Variants in BACH2 observed in about 807,000 individuals in gnomAD.
BACH2 encodes the protein BACH transcriptional regulator 2.
A neutral mutation model predicts 61.8 loss-of-function variants in BACH2; 5 were observed. That is an observed-to-expected ratio of 0.08 (90% CI 0.04 to 0.17). BACH2 has a LOEUF of 0.17. Ranked by LOEUF, BACH2 falls within the 10% of genes least tolerant of loss-of-function variation. BACH2 has a pLI of 1.00. For synonymous variants in BACH2, 446 were observed against 440.1 expected (o/e 1.01, Z -0.17); for missense variants, 824 against 1,091.1 (o/e 0.76, Z 3.45).
intron 3 of BACH2, among the ~76,000 whole-genome samples, chr6:90,220,737 C>G (rs1174934484): frequency 1.3e-5 from 2 of 152,056 alleles, no homozygotes; most frequent in Non-Finnish European, 2.9e-5. Flanking sequence ...GGTCTCAAAA[C>G]CATAATACAA....
chr6:90,230,910 C>T (rs577726933), intron 3 of BACH2, among the ~76,000 whole-genome samples: 4 of 152,204 alleles, frequency 2.6e-5, no homozygotes, highest in East Asian at 3.9e-4. Flanking sequence ...ATTGATCATC[C>T]CTGGTGAGAA....
chr6:90,100,556 C>CT (rs1212551793), intron 4 of BACH2, among the ~76,000 whole-genome samples: 3 of 152,164 alleles, frequency 2.0e-5, no homozygotes, highest in South Asian at 4.1e-4. Context: ...CCTTTGGACT[C>CT]TAACTGCAAC....
chr6:90,249,194 T>A (rs1770728995), intron 3 of BACH2, among the ~76,000 whole-genome samples: 1 of 152,144 alleles, frequency 6.6e-6, no homozygotes, highest in Admixed American at 6.5e-5. Context: ...TGACTGTCTT[T>A]GCCATGGGAG....
At chr6:90,190,660 G>A (rs1408107522) in intron 4 of BACH2, among the ~76,000 whole-genome samples, 1 of 152,180 alleles carries the variant, frequency 6.6e-6, no homozygotes, top group African/African-American at 2.4e-5. Flanking sequence ...AAGATAATCT[G>A]GCCCACTGAT....
intron 4 of BACH2, among the ~76,000 whole-genome samples, chr6:90,154,744 C>T (rs1465047943): frequency 1.3e-5 from 2 of 152,176 alleles, no homozygotes; most frequent in Non-Finnish European, 2.9e-5. Context: ...TCTGATGGCC[C>T]TAGTTCTAGC....
At position 90,079,016 on chromosome 6, in the gene BACH2, T is replaced by A. The variant is rs183587429; in HGVS notation, c.-13+9945A>T. Among the ~76,000 whole-genome samples, 252 of 152,260 alleles carry A rather than the reference T, an allele frequency of 1.7e-3. 1 individual carries two copies. The highest frequency in any genetic ancestry group is 5.8e-3 in the African/African-American group (241 of 41,556). ...GAACACTTGCAGACATTCTCATTCT[T>A]TGGAAATGCCACAACCACTCAGTCA... On this transcript the variant is annotated intron_variant, in intron 5 of 8. Coordinates refer to ENST00000257749, the MANE Select transcript of BACH2 (RefSeq NM_021813.4).
At chr6:90,295,745 C>G (rs1345274848) in intron 1 of BACH2, among the ~76,000 whole-genome samples, 1 of 152,058 alleles carries the variant, frequency 6.6e-6, no homozygotes, top group Admixed American at 6.5e-5. Context: ...CTCTCAGAAG[C>G]CTGGCGCCCT....
intron 5 of BACH2, among the ~76,000 whole-genome samples, chr6:90,068,458 C>T (rs1050970072): frequency 3.3e-5 from 5 of 152,020 alleles, no homozygotes; most frequent in Non-Finnish European, 7.4e-5. Flanking sequence ...CAGGACAATG[C>T]GGGGGTGTAC....
intron 4 of BACH2, among the ~76,000 whole-genome samples, chr6:90,136,116 G>C (rs1784262688): frequency 6.6e-6 from 1 of 152,184 alleles, no homozygotes. Context: ...TCTCCTTCCT[G>C]TGATCAGTCA....
At chr6:90,038,242 T>C (rs529582847) in intron 5 of BACH2, among the ~76,000 whole-genome samples, 1 of 152,302 alleles carries the variant, frequency 6.6e-6, no homozygotes, top group East Asian at 1.9e-4. Flanking sequence ...ATGATTTTCT[T>C]TCAAGTAGAC....
chr6:90,172,769 C>T (rs1468643895), intron 4 of BACH2, among the ~76,000 whole-genome samples: 4 of 151,526 alleles, frequency 2.6e-5, no homozygotes, highest in Non-Finnish European at 4.4e-5. Context: ...CAGAAAACAG[C>T]GATGATCTGA....
At chr6:89,990,667 G>A (rs374396614) in intron 6 of BACH2, among the ~76,000 whole-genome samples, 24 of 151,526 alleles carry the variant, frequency 1.6e-4, no homozygotes, top group African/African-American at 4.8e-4. Flanking sequence ...GTCCATGTTC[G>A]TATGTCACCT....
At chr6:90,028,820 G>A (rs1778782586) in intron 5 of BACH2, among the ~76,000 whole-genome samples, 1 of 152,192 alleles carries the variant, frequency 6.6e-6, no homozygotes, top group African/African-American at 2.4e-5. Context: ...TTCACTAGCT[G>A]CAAAACCTTG....
intron 5 of BACH2, among the ~76,000 whole-genome samples, chr6:90,023,912 T>G (rs977019925): frequency 7.9e-5 from 12 of 152,160 alleles, no homozygotes; most frequent in African/African-American, 2.9e-4. Context: ...CCACCCAGCC[T>G]ATGGTACTTT....
At chr6:90,142,398 T>C (rs1784489594) in intron 4 of BACH2, among the ~76,000 whole-genome samples, 1 of 152,238 alleles carries the variant, frequency 6.6e-6, no homozygotes, top group Non-Finnish European at 1.5e-5. Flanking sequence ...GTCACATCTT[T>C]AGCTATAATG....
At chr6:90,141,754 T>C (rs192246445) in intron 4 of BACH2, among the ~76,000 whole-genome samples, 51 of 152,312 alleles carry the variant, frequency 3.3e-4, no homozygotes, top group Admixed American at 3.3e-3. Flanking sequence ...ATAGGTTGAT[T>C]TGTAAGTGTT....
intron 5 of BACH2, among the ~76,000 whole-genome samples, chr6:90,049,839 G>T (rs1198967019): frequency 1.3e-5 from 2 of 152,182 alleles, no homozygotes; most frequent in Non-Finnish European, 2.9e-5. Context: ...GTCATCCCAA[G>T]GAAAAGCATT....
chr6:90,156,064 C>A (rs1157021319), intron 4 of BACH2, among the ~76,000 whole-genome samples: 1 of 152,124 alleles, frequency 6.6e-6, no homozygotes, highest in Non-Finnish European at 1.5e-5. Context: ...GTTCCGCTAT[C>A]TGATGAAGCA....
intron 4 of BACH2, among the ~76,000 whole-genome samples, chr6:90,121,928 T>C (rs1783644951): frequency 6.6e-6 from 1 of 152,214 alleles, no homozygotes; most frequent in Non-Finnish European, 1.5e-5. Flanking sequence ...GATTCTGCCT[T>C]TTGCCCCCCA....
Sources: gnomAD v4.1 joint callset for allele counts (sites outside exome capture counted in the v4.1 genomes callset) on GRCh38, gnomAD v4.1.1 for gene constraint, MANE v1.5 for transcripts, NCBI Gene and HGNC (gene_info 2026-07-23, HGNC 2026-07-21) for gene names.